Variants in ARL6 observed in about 807,000 individuals in gnomAD.
ARL6 encodes ARF like GTPase 6.
Under a neutral mutation model 27.1 loss-of-function variants are expected in ARL6, and 18 were observed. The ratio of observed to expected loss-of-function variants is 0.66; its 90% CI spans 0.46 to 0.98. The LOEUF (loss-of-function observed/expected upper bound fraction) is 0.98. Ranked by LOEUF, ARL6 falls within the 50% of genes least tolerant of loss-of-function variation. The probability of loss-of-function intolerance (pLI) is 0.00; values close to 1 mark genes in which losing one functional copy is unlikely to be tolerated. For missense variants in ARL6, 187 were observed against 214.9 expected (o/e 0.87, Z 0.81); for synonymous variants, 65 against 72.3 (o/e 0.90, Z 0.51).
intron 2 of ARL6, among the ~76,000 whole-genome samples, chr3:97,768,651 G>A (rs1297809561): frequency 6.6e-6 from 1 of 152,024 alleles, no homozygotes; most frequent in African/African-American, 2.4e-5. Flanking sequence ...TGGACATATT[G>A]TAATAACTGA....
chr3:97,775,259 C>T (rs1241546480), intron 2 of ARL6, among the ~76,000 whole-genome samples: 1 of 152,142 alleles, frequency 6.6e-6, no homozygotes, highest in Non-Finnish European at 1.5e-5. Flanking sequence ...GATAGATATA[C>T]ATATAAAGGG....
rs142894138 is a variant in ARL6 at position 97,800,345 on chromosome 3, T to C, written c.*2296T>C. On this transcript the variant is annotated 3_prime_UTR_variant, in exon 8 of 8. Transcript: ENST00000463745. ...CATTTGTATTTAGCATATTATACAA[T>C]TAAAATGTATTTTATTAAACCTGAA... 15 of 152,310 alleles carry C rather than the reference T, an allele frequency of 9.8e-5. No homozygotes were observed. The highest frequency in any genetic ancestry group is 3.4e-3 in the Middle Eastern group (1 of 294). 9.4% of individuals were successfully genotyped at this position (152,310 alleles called of 1,614,324 possible).
chr3:97,785,944 C>G (rs2037437250), intron 5 of ARL6, among the ~76,000 whole-genome samples: 1 of 152,162 alleles, frequency 6.6e-6, no homozygotes, highest in Non-Finnish European at 1.5e-5. Flanking sequence ...AATGTTACTG[C>G]TTAACCACAA....
intron 2 of ARL6, among the ~76,000 whole-genome samples, chr3:97,769,453 T>C (rs2036540528): frequency 6.6e-6 from 1 of 152,132 alleles, no homozygotes; most frequent in Non-Finnish European, 1.5e-5. Flanking sequence ...TTACATGTGA[T>C]AGTTTGATAC....
intron 2 of ARL6, among the ~76,000 whole-genome samples, chr3:97,776,442 A>G (rs1262874983): frequency 6.6e-6 from 1 of 152,002 alleles, no homozygotes; most frequent in East Asian, 1.9e-4. Flanking sequence ...ATTTAATACT[A>G]TTACTGATAG....
chr3:97,792,465 A>G (rs1177590832), intron 7 of ARL6, among the ~76,000 whole-genome samples: 2 of 152,152 alleles, frequency 1.3e-5, no homozygotes, highest in Non-Finnish European at 2.9e-5. Flanking sequence ...CCTGGCAACA[A>G]AGCAAGACTC....
Position 97,799,347 on chromosome 3 carries a change from A to C in ARL6, c.*1298A>C, listed in dbSNP as rs2038149251. On this transcript the variant is annotated 3_prime_UTR_variant, in exon 8 of 8. Transcript: ENST00000463745. ...ATATTCCAGTTTCTTATAGTCCAGA[A>C]ATAGCAGTGATTTGGCATTTGGCAA... 1 of 152,092 alleles carries C rather than the reference A, an allele frequency of 6.6e-6. No homozygotes were observed. Among genetic ancestry groups the C allele is most frequent in the Non-Finnish European group, 1.5e-5 (1 of 67,932 alleles). The allele number at this position is 152,092 out of a possible 1,614,324, so 9.4% of individuals were successfully genotyped here.
intron 7 of ARL6, among the ~76,000 whole-genome samples, chr3:97,795,362 C>G (rs1229623339): frequency 1.3e-5 from 2 of 152,124 alleles, no homozygotes; most frequent in Non-Finnish European, 1.5e-5. Flanking sequence ...CATTTTATTG[C>G]TTTGTCTGCA....
In ARL6 at chr3:97,799,229, AAGTG is replaced by A. The variant is rs1351755934; in HGVS notation, c.*1184_*1187del. ...AATGATGAAAATAGAAGGCAAAAGT[AAGTG>A]AGTAATAAAGATGTTATAGTAACTG... On this transcript the variant is annotated 3_prime_UTR_variant, in exon 8 of 8. Transcript: ENST00000463745. 1.3e-5 allele frequency: 2 copies of A among 152,110 alleles called. No individual in the cohort carries two copies. The highest frequency in any genetic ancestry group is 1.9e-4 in the East Asian group (1 of 5,200). The allele number at this position is 152,110 out of a possible 1,614,324, so 9.4% of individuals were successfully genotyped here.
chr3:97,780,245 A>G, intron 3 of ARL6, 25 bp downstream of exon 3: 13 of 1,577,090 alleles, frequency 8.2e-6, no homozygotes, highest in Non-Finnish European at 1.0e-5. Context: ...CCCTTAACAA[A>G]AAAGTTGCTA....
At chr3:97,793,924 C>G (rs529542816) in intron 7 of ARL6, among the ~76,000 whole-genome samples, 1 of 150,766 alleles carries the variant, frequency 6.6e-6, no homozygotes, top group African/African-American at 2.4e-5. Context: ...TAATTTACCT[C>G]TCTGTTAGCT....
chr3:97,795,021 G>A (rs2037933102), intron 7 of ARL6, among the ~76,000 whole-genome samples: 1 of 152,146 alleles, frequency 6.6e-6, no homozygotes, highest in South Asian at 2.1e-4. Context: ...AGGTTGCAGT[G>A]AGCCGAGATC....
chr3:97,774,080 G>C (rs540691770), intron 2 of ARL6, among the ~76,000 whole-genome samples: 1 of 152,098 alleles, frequency 6.6e-6, no homozygotes, highest in African/African-American at 2.4e-5. Flanking sequence ...CCTTACCTCC[G>C]TTGTGGAGTG....
intron 2 of ARL6, among the ~76,000 whole-genome samples, chr3:97,778,135 GC>G (rs2037000356): frequency 6.6e-6 from 1 of 151,998 alleles, no homozygotes. Flanking sequence ...CACATTTAAA[GC>G]CCTTAAAATC....
Position 97,800,734 on chromosome 3 carries a change from G to A in ARL6, c.*2685G>A, listed in dbSNP as rs1329425999. ...ATAACAAAGTACCATAGACTGGGTG[G>A]CTTATAAACGACAGAAATTTATTTC... On this transcript the variant is annotated 3_prime_UTR_variant, in exon 8 of 8. Transcript: ENST00000463745. 4 of 152,072 alleles carry A rather than the reference G, an allele frequency of 2.6e-5. No individual in the cohort carries two copies. The highest frequency in any genetic ancestry group is 9.7e-5 in the African/African-American group (4 of 41,408). The allele number at this position is 152,072 out of a possible 1,614,324, so 9.4% of individuals were successfully genotyped here.
intron 5 of ARL6, among the ~76,000 whole-genome samples, chr3:97,785,757 A>G (rs2037429272): frequency 6.6e-6 from 1 of 152,096 alleles, no homozygotes; most frequent in East Asian, 1.9e-4. Context: ...CCTCCCGCCC[A>G]AGCCCCCACT....
intron 7 of ARL6, 80 bp from the exon 8 acceptor site, chr3:97,797,944 A>G (rs1049384325): frequency 1.3e-5 from 17 of 1,311,076 alleles, no homozygotes; most frequent in Middle Eastern, 3.8e-4. Context: ...AACATGTTGT[A>G]TAGATTTGAC....
intron 1 of ARL6, among the ~76,000 whole-genome samples, chr3:97,765,207 TGG>T (rs35915522): frequency 0.062 from 4,608 of 73,850 alleles, 166 homozygotes; most frequent in East Asian, 0.33. Context: ...ACCCGTGTAT[TGG>T]GGGTGTGTGT....
intron 3 of ARL6, 90 bp downstream of exon 3, chr3:97,780,310 G>A: frequency 9.7e-7 from 1 of 1,028,718 alleles, no homozygotes; most frequent in Non-Finnish European, 1.5e-6. Context: ...CTTAGATAAA[G>A]TAATTTGTTG....
Sources: allele counts gnomAD v4.1 joint callset (sites outside exome capture counted in the v4.1 genomes callset), GRCh38; gene constraint gnomAD v4.1.1; transcripts MANE v1.5; gene names NCBI Gene and HGNC (gene_info 2026-07-23, HGNC 2026-07-21).